Variants in FGD3 observed in about 807,000 individuals in gnomAD.
FGD3 encodes FYVE, RhoGEF and PH domain-containing protein 3.
Under a neutral mutation model 71.8 loss-of-function variants are expected in FGD3, and 45 were observed. That is an observed-to-expected ratio of 0.63 (90% CI 0.49 to 0.80). The LOEUF (loss-of-function observed/expected upper bound fraction) is 0.80. Among genes scored for constraint, FGD3 ranks in the 30% least tolerant of loss-of-function variants. FGD3 has a pLI of 0.00. For synonymous variants in FGD3, 378 were observed against 392.8 expected, an observed-to-expected ratio of 0.96 and a Z score of 0.44; for missense variants, 844 against 951.5, an observed-to-expected ratio of 0.89 and a Z score of 1.49.
intron 1 of FGD3, among the ~76,000 whole-genome samples, chr9:92,970,770 T>C (rs1859499810): frequency 6.6e-6 from 1 of 152,128 alleles, no homozygotes; most frequent in African/African-American, 2.4e-5. Flanking sequence ...TGTGCACACA[T>C]GTGTATGTAT....
chr9:92,973,097 T>C (rs927040685), intron 1 of FGD3, among the ~76,000 whole-genome samples: 3 of 148,674 alleles, frequency 2.0e-5, no homozygotes, highest in Non-Finnish European at 4.4e-5. Flanking sequence ...GTCCCTTTTA[T>C]GCCTGGTAAT....
chr9:92,994,042 C>T (rs555544251), intron 3 of FGD3, among the ~76,000 whole-genome samples: 111 of 152,354 alleles, frequency 7.3e-4, no homozygotes, highest in Non-Finnish European at 1.5e-3. Context: ...AATCGCCACA[C>T]TGTCTTCCAC....
At position 93,004,062 on chromosome 9, in the gene FGD3, C is replaced by G. The variant is rs1246429460; in HGVS notation, c.605C>G (p.Ser202Cys). 6 of 1,614,082 alleles carry G rather than the reference C, an allele frequency of 3.7e-6. No homozygotes were observed. The highest frequency in any genetic ancestry group is 1.3e-5 in the African/African-American group (1 of 74,940). ...CCAGAAGTCATCATGGGCATATTCTCTAACATCTCCTCCATCCACCGCTTC... is the reference window on the plus strand; with the variant it reads ...CCAGAAGTCATCATGGGCATATTCTGTAACATCTCCTCCATCCACCGCTTC... ...IPPEVIMGIF[S>C]NISSIHRFHG... The change falls in exon 5 of 18, where the codon TCT becomes TGT. Residue 202 changes from serine to cysteine, a missense_variant. Physicochemically the swap from Ser to Cys is moderately radical, Grantham distance 112 (BLOSUM62 -1). Transcript: ENST00000375482.
chr9:93,002,365 G>C (rs572191963), intron 3 of FGD3, among the ~76,000 whole-genome samples: 51 of 152,180 alleles, frequency 3.4e-4, no homozygotes, highest in Middle Eastern at 3.4e-3. Flanking sequence ...GGGCAGATAG[G>C]TTGAGTCCAG....
chr9:92,955,023 A>G (rs1474600750), intron 1 of FGD3, among the ~76,000 whole-genome samples: 1 of 152,188 alleles, frequency 6.6e-6, no homozygotes, highest in African/African-American at 2.4e-5. Flanking sequence ...CCCAGAGGGA[A>G]GCTCTAAAGC....
At chr9:93,007,007 G>A (rs544813211) in intron 6 of FGD3, among the ~76,000 whole-genome samples, 2 of 152,092 alleles carry the variant, frequency 1.3e-5, no homozygotes, top group South Asian at 4.2e-4. Flanking sequence ...GATTACAGGC[G>A]TGAGCCACCG....
intron 12 of FGD3, 101 bp from the exon 13 acceptor site, chr9:93,020,216 C>A: frequency 9.0e-7 from 1 of 1,108,226 alleles, no homozygotes; most frequent in African/African-American, 1.6e-5. Context: ...GTTCTGGGAA[C>A]GCCAAGGCCC....
chr9:92,976,135 A>C, intron 2 of FGD3, 73 bp from the exon 3 acceptor site: 1 of 917,304 alleles, frequency 1.1e-6, no homozygotes, highest in South Asian at 1.8e-5. Flanking sequence ...TGGGAGCTGC[A>C]TTTGGGGGTT....
intron 16 of FGD3, 76 bp downstream of exon 16, chr9:93,032,949 G>A: frequency 7.4e-7 from 1 of 1,350,948 alleles, no homozygotes; most frequent in African/African-American, 1.4e-5. Flanking sequence ...TGCCCCAGCA[G>A]CTCCAGCTGC....
At chr9:93,011,968 C>CTAA (rs1344311375) in intron 8 of FGD3, among the ~76,000 whole-genome samples, 1 of 151,790 alleles carries the variant, frequency 6.6e-6, no homozygotes, top group Non-Finnish European at 1.5e-5. Flanking sequence ...ACCATCCTGG[C>CTAA]TAATATGGTG....
At chr9:93,024,622 G>T (rs1422147399) in intron 14 of FGD3, among the ~76,000 whole-genome samples, 1 of 152,244 alleles carries the variant, frequency 6.6e-6, no homozygotes, top group African/African-American at 2.4e-5. Flanking sequence ...ACATGGAGAG[G>T]CACCTTCAGT....
At chr9:92,973,154 G>T (rs533010294) in intron 1 of FGD3, among the ~76,000 whole-genome samples, 5 of 117,916 alleles carry the variant, frequency 4.2e-5, no homozygotes, top group African/African-American at 1.4e-4. Context: ...TTGCTCTGTC[G>T]CCCAGGCTGG....
chr9:92,953,689 C>T (rs1284407859), intron 1 of FGD3, among the ~76,000 whole-genome samples: 1 of 152,192 alleles, frequency 6.6e-6, no homozygotes, highest in Non-Finnish European at 1.5e-5. Context: ...AGCTGCCTGC[C>T]TGGGAGGAAG....
chr9:93,032,646 G>A (rs1862398131), intron 15 of FGD3, 123 bp from the exon 16 acceptor site: 7 of 896,264 alleles, frequency 7.8e-6, no homozygotes, highest in East Asian at 4.9e-5. Flanking sequence ...CTCGCCACAC[G>A]CCACACTGTG....
At chr9:93,015,502 T>C (rs1452851015) in intron 9 of FGD3, 1 of 394,734 alleles carries the variant, frequency 2.5e-6, no homozygotes, top group African/African-American at 2.1e-5. Context: ...AATTAGCTCA[T>C]GTTCATGGTT....
chr9:92,957,523 G>GT (rs886373066), intron 1 of FGD3, among the ~76,000 whole-genome samples: 52 of 149,964 alleles, frequency 3.5e-4, no homozygotes, highest in Admixed American at 2.7e-3. Flanking sequence ...ATATGTTCCA[G>GT]TTTTTTTTTC....
intron 1 of FGD3, among the ~76,000 whole-genome samples, chr9:92,967,900 C>T (rs890998178): frequency 2.6e-5 from 4 of 152,180 alleles, no homozygotes; most frequent in African/African-American, 9.7e-5. Flanking sequence ...GAACATGATT[C>T]TGTTCTATGG....
intron 5 of FGD3, among the ~76,000 whole-genome samples, chr9:93,004,848 G>A (rs536171502): frequency 1.6e-4 from 24 of 152,286 alleles, no homozygotes; most frequent in African/African-American, 5.3e-4. Context: ...TGGAATGGGA[G>A]GCCAGGGGGA....
chr9:92,951,654 G>A (rs920837991), intron 1 of FGD3, among the ~76,000 whole-genome samples: 1 of 152,220 alleles, frequency 6.6e-6, no homozygotes, highest in Non-Finnish European at 1.5e-5. Flanking sequence ...TAGCCTGGGT[G>A]ACAGAGCGAG....
Sources: gnomAD v4.1 joint callset for allele counts (sites outside exome capture counted in the v4.1 genomes callset) on GRCh38, gnomAD v4.1.1 for gene constraint, MANE v1.5 for transcripts, NCBI Gene and HGNC (gene_info 2026-07-23, HGNC 2026-07-21) for gene names.